The following PARP15 variants were observed in gnomAD, a reference collection of about 807,000 sequenced individuals.
PARP15 encodes the protein poly(ADP-ribose) polymerase family member 15.
Under a neutral mutation model 62.1 loss-of-function variants are expected in PARP15, and 50 were observed. The observed-to-expected ratio is 0.81, with a 90% CI of 0.64 to 1.02. PARP15 has a LOEUF of 1.02. Ranked by LOEUF, PARP15 falls within the 50% of genes least tolerant of loss-of-function variation. PARP15 has a pLI of 0.00. For missense variants in PARP15, 820 were observed against 826.5 expected (o/e 0.99, Z 0.10); for synonymous variants, 309 against 293.1 (o/e 1.05, Z -0.55).
At position 122,638,050 on chromosome 3, in the gene PARP15, T is replaced by C. The variant is rs1937459164; in HGVS notation, c.*1950T>C. The C allele has an allele frequency of 1.3e-5, 2 of 152,174 alleles. No individual in the cohort carries two copies. Among genetic ancestry groups the C allele is most frequent in the Non-Finnish European group, 2.9e-5 (2 of 68,032 alleles). 9.4% of individuals were successfully genotyped at this position (152,174 alleles called of 1,614,324 possible). Reference sequence around the variant, plus strand: ...CACCTGTGAGTGAGAACATGTGGTGTTTGGTTTTTTGTCCTTGCGATAGTT... The same window carrying C: ...CACCTGTGAGTGAGAACATGTGGTGCTTGGTTTTTTGTCCTTGCGATAGTT... On this transcript the variant is annotated 3_prime_UTR_variant, in exon 12 of 12. Transcript: ENST00000464300.
chr3:122,618,792 C>T (rs1936151172), intron 6 of PARP15, among the ~76,000 whole-genome samples: 1 of 152,150 alleles, frequency 6.6e-6, no homozygotes, highest in South Asian at 2.1e-4. Flanking sequence ...AGCCCCTCTC[C>T]TGCATGGATC....
chr3:122,634,950 A>G, intron 10 of PARP15, 70 bp from the exon 11 acceptor site: 1 of 1,438,560 alleles, frequency 7.0e-7, no homozygotes, highest in Non-Finnish European at 9.5e-7. Flanking sequence ...CTTATTTTAA[A>G]TCCACAACAA....
At chr3:122,624,757 G>GA (rs1279473895) in intron 8 of PARP15, among the ~76,000 whole-genome samples, 1 of 152,130 alleles carries the variant, frequency 6.6e-6, no homozygotes, top group Non-Finnish European at 1.5e-5. Flanking sequence ...GTTGCGTTAG[G>GA]AATCTAATTT....
chr3:122,627,138 G>A (rs535647202), intron 9 of PARP15, 105 bp downstream of exon 9: 2 of 984,558 alleles, frequency 2.0e-6, no homozygotes. Context: ...ATTCGTTTTA[G>A]GACTTTTCAG....
At chr3:122,598,193 C>T (rs1048352597) in intron 1 of PARP15, among the ~76,000 whole-genome samples, 5 of 152,208 alleles carry the variant, frequency 3.3e-5, no homozygotes, top group African/African-American at 9.7e-5. Flanking sequence ...ACCAGCCTGC[C>T]TCCTCAAGCC....
chr3:122,593,105 T>TC (rs112490826), intron 1 of PARP15, among the ~76,000 whole-genome samples: 3 of 79,474 alleles, frequency 3.8e-5, no homozygotes, highest in African/African-American at 9.4e-5. Context: ...TCTATCTATC[T>TC]ATCTATCTAT....
In PARP15 at chr3:122,614,815, G is replaced by T. The variant is rs972459462; in HGVS notation, c.772-964G>T. ...AGGCTGAGGCAGGGGGATTGCTTGAGTCCAGGAGTTCAAAACCAGCCTGTG... is the reference window on the plus strand; with the variant it reads ...AGGCTGAGGCAGGGGGATTGCTTGATTCCAGGAGTTCAAAACCAGCCTGTG... On this transcript the variant is annotated intron_variant, in intron 4 of 11. Coordinates refer to ENST00000464300, the MANE Select transcript of PARP15 (RefSeq NM_001113523.3). Among the ~76,000 whole-genome samples, 4 of 152,108 alleles carry T rather than the reference G, an allele frequency of 2.6e-5. No individual in the cohort carries two copies. In the East Asian group the frequency reaches 7.7e-4, roughly 29 times the overall value.
chr3:122,595,308 C>G (rs917925398), intron 1 of PARP15, among the ~76,000 whole-genome samples: 66 of 150,200 alleles, frequency 4.4e-4, no homozygotes, highest in African/African-American at 1.5e-3. Flanking sequence ...TCCTCTCCCC[C>G]CATTCTTTCT....
At chr3:122,618,241 AC>A (rs888365196) in intron 6 of PARP15, among the ~76,000 whole-genome samples, 4 of 152,208 alleles carry the variant, frequency 2.6e-5, no homozygotes, top group Non-Finnish European at 5.9e-5. Flanking sequence ...GTTATTTGAA[AC>A]ATGCTAAGTT....
chr3:122,592,580 T>C, intron 1 of PARP15, among the ~76,000 whole-genome samples: 1 of 149,446 alleles, frequency 6.7e-6, no homozygotes, highest in Non-Finnish European at 1.5e-5. Context: ...ATCCTGCACA[T>C]GTACCACAGA....
rs753511452 is a variant in PARP15, at chr3:122,577,734, A to G, written c.67A>G (p.Met23Val). Residue 23 changes from methionine (M) to valine (V), a missense_variant, in exon 1 of 12, where the codon ATG becomes GTG. By Grantham distance (21) the Met-to-Val change is conservative. Transcript: ENST00000464300. ...SPGAPTPREL[M>V]HGVAGVTSRA... Reference sequence around the variant, plus strand: ...AGGGGCTCCGACCCCCAGAGAACTTATGCACGGAGTTGCAGGTGTTACTTC... The same window carrying G: ...AGGGGCTCCGACCCCCAGAGAACTTGTGCACGGAGTTGCAGGTGTTACTTC... 129 of 1,551,556 alleles carry G rather than the reference A, an allele frequency of 8.3e-5. 1 individual carries two copies. The highest frequency in any genetic ancestry group is 1.1e-4 in the Non-Finnish European group (127 of 1,146,994).
chr3:122,633,936 G>A (rs1372616291), intron 10 of PARP15, among the ~76,000 whole-genome samples: 2 of 152,018 alleles, frequency 1.3e-5, no homozygotes, highest in Non-Finnish European at 2.9e-5. Flanking sequence ...CTAATTCATG[G>A]TCCCCAGCCT....
At position 122,590,165 on chromosome 3, in the gene PARP15, C is replaced by G. The variant is rs569287135; in HGVS notation, c.186+12312C>G. Among the ~76,000 whole-genome samples the G allele has an allele frequency of 1.8e-3, 277 of 151,276 alleles. 2 individuals are homozygous for G. The highest frequency in any genetic ancestry group is 2.0e-3 in the Non-Finnish European group (134 of 67,814). On this transcript the variant is annotated intron_variant, in intron 1 of 11. Coordinates refer to ENST00000464300, the MANE Select transcript of PARP15 (RefSeq NM_001113523.3). ...CCTCCCAAAGTGCTGGGATTACAGGCATGGGCCACCGCACCCGGCCTGTAA... is the reference window on the plus strand; with the variant it reads ...CCTCCCAAAGTGCTGGGATTACAGGGATGGGCCACCGCACCCGGCCTGTAA...
intron 1 of PARP15, among the ~76,000 whole-genome samples, chr3:122,603,556 A>T (rs1372104679): frequency 1.3e-5 from 2 of 152,210 alleles, no homozygotes; most frequent in African/African-American, 4.8e-5. Flanking sequence ...GGTTGTCTGG[A>T]GGATGTGAAG....
intron 1 of PARP15, among the ~76,000 whole-genome samples, chr3:122,586,342 G>C (rs1933428577): frequency 6.6e-6 from 1 of 151,986 alleles, no homozygotes; most frequent in Non-Finnish European, 1.5e-5. Context: ...AAGTAGCTAG[G>C]ACTACAGGAA....
chr3:122,635,303 G>GTGAT, intron 11 of PARP15, 109 bp downstream of exon 11: 1 of 959,516 alleles, frequency 1.0e-6, no homozygotes, highest in Non-Finnish European at 1.5e-6. Context: ...ATCACTGTCA[G>GTGAT]AATAGAGCTC....
intron 8 of PARP15, among the ~76,000 whole-genome samples, chr3:122,623,106 C>A (rs538683535): frequency 7.2e-5 from 11 of 152,156 alleles, no homozygotes; most frequent in Non-Finnish European, 8.8e-5. Context: ...TTGCTATCGG[C>A]GGTAATGAGG....
intron 1 of PARP15, among the ~76,000 whole-genome samples, chr3:122,592,822 G>T (rs1392875804): frequency 6.6e-6 from 1 of 152,102 alleles, no homozygotes; most frequent in East Asian, 1.9e-4. Context: ...TTCAGTAATG[G>T]TGGAGCTGGG....
At position 122,636,284 on chromosome 3, in the gene PARP15, T is replaced by C. The variant is rs1270333942; in HGVS notation, c.*184T>C. 1.7e-6 allele frequency: 1 copy of C among 598,424 alleles called. No homozygotes were observed. The highest frequency in any genetic ancestry group is 1.9e-5 in the African/African-American group (1 of 53,958). The allele number at this position is 598,424 out of a possible 1,614,324, so 37.1% of individuals were successfully genotyped here. A position where few individuals can be genotyped will look rare whatever the true frequency, so the allele number is the denominator to read the frequency against. On this transcript the variant is annotated 3_prime_UTR_variant, in exon 12 of 12. Coordinates refer to ENST00000464300, the MANE Select transcript of PARP15 (RefSeq NM_001113523.3). ...TAGCATACCTTTTTTTCTCAGCAAATTGATGGGTGGAAGCTGAGAAATGTA... is the reference window on the plus strand; with the variant it reads ...TAGCATACCTTTTTTTCTCAGCAAACTGATGGGTGGAAGCTGAGAAATGTA...
Sources: gnomAD v4.1 joint callset for allele counts (sites outside exome capture counted in the v4.1 genomes callset) on GRCh38, gnomAD v4.1.1 for gene constraint, MANE v1.5 for transcripts, NCBI Gene and HGNC (gene_info 2026-07-23, HGNC 2026-07-21) for gene names.